Variants in TRPC7 observed in about 807,000 individuals in gnomAD.
TRPC7 encodes short transient receptor potential channel 7.
TRPC7 carries 42 observed loss-of-function variants against 90.1 expected under a neutral mutation model. The observed-to-expected ratio is 0.47, with a 90% CI of 0.36 to 0.60. The LOEUF is 0.60. Ranked by LOEUF, TRPC7 falls within the 20% of genes least tolerant of loss-of-function variation. The probability of loss-of-function intolerance (pLI) is 0.00; values close to 1 mark genes in which losing one functional copy is unlikely to be tolerated. For missense variants in TRPC7, 955 were observed against 1,112.3 expected (o/e 0.86, Z 2.01); for synonymous variants, 451 against 436.3 (o/e 1.03, Z -0.42).
chr5:136,272,383 T>A (rs899925727), intron 4 of TRPC7, among the ~76,000 whole-genome samples: 1 of 152,204 alleles, frequency 6.6e-6, no homozygotes, highest in Non-Finnish European at 1.5e-5. Flanking sequence ...TAATTCCCAG[T>A]AATATCTCTG....
Position 136,213,565 on chromosome 5 carries a change from C to T in TRPC7, c.2459G>A (p.Arg820His), listed in dbSNP as rs1347360317. 1.2e-6 allele frequency: 2 copies of T among 1,614,014 alleles called. No homozygotes were observed. The highest frequency in any genetic ancestry group is 1.7e-5 in the Admixed American group (1 of 60,018). ...AGATTTTTCCTCAAGAAGCTCATAGCGCAGGCTGGAGATATCTTGCTTGAT... is the reference window on the plus strand; with the variant it reads ...AGATTTTTCCTCAAGAAGCTCATAGTGCAGGCTGGAGATATCTTGCTTGAT... ...KEIKQDISSL[R>H]YELLEEKSQA... Residue 820 changes from arginine to histidine, a missense_variant, in exon 12 of 12, where the codon CGC (arginine) becomes CAC (histidine). Physicochemically the swap from Arg to His is conservative, Grantham distance 29 (BLOSUM62 0). This residue lies in a region of TRPC7 where 296 missense variants were observed against 422.7 expected (regional missense o/e 0.70). Transcript: ENST00000513104.
At chr5:136,300,855 T>C (rs1758355092) in intron 3 of TRPC7, among the ~76,000 whole-genome samples, 1 of 152,186 alleles carries the variant, frequency 6.6e-6, no homozygotes, top group Non-Finnish European at 1.5e-5. Flanking sequence ...GGCTGCACAT[T>C]GCATGCAGGG....
At chr5:136,314,015 C>T (rs753994203) in intron 3 of TRPC7, 6 of 152,186 alleles carry the variant, frequency 3.9e-5, no homozygotes, top group Non-Finnish European at 7.3e-5. Flanking sequence ...GTCAGTTTTG[C>T]TAGGAGATTT....
At chr5:136,333,407 G>T (rs559935759) in intron 2 of TRPC7, among the ~76,000 whole-genome samples, 2 of 152,334 alleles carry the variant, frequency 1.3e-5, no homozygotes, top group African/African-American at 2.4e-5. Flanking sequence ...TGTATAGGTT[G>T]TCAGAAGACG....
intron 3 of TRPC7, among the ~76,000 whole-genome samples, chr5:136,313,043 T>G (rs919231983): frequency 6.1e-5 from 9 of 148,222 alleles, no homozygotes; most frequent in African/African-American, 2.3e-4. Context: ...TCTCAAACTC[T>G]TGGCATCAAG....
chr5:136,226,957 T>C (rs541546311), intron 8 of TRPC7, among the ~76,000 whole-genome samples: 1 of 152,368 alleles, frequency 6.6e-6, no homozygotes, highest in East Asian at 1.9e-4. Flanking sequence ...TAGGCGTATG[T>C]GGTTAGTGGC....
At chr5:136,223,585 C>T (rs893773242) in intron 10 of TRPC7, among the ~76,000 whole-genome samples, 1 of 151,524 alleles carries the variant, frequency 6.6e-6, no homozygotes, top group Non-Finnish European at 1.5e-5. Context: ...TGCACACCAG[C>T]CTGGGCAACA....
chr5:136,275,808 G>C (rs1381622201), intron 3 of TRPC7, among the ~76,000 whole-genome samples: 16 of 152,170 alleles, frequency 1.1e-4, no homozygotes, highest in Admixed American at 1.0e-3. Context: ...TATTTATTTA[G>C]TAGAGAGTTA....
intron 2 of TRPC7, among the ~76,000 whole-genome samples, chr5:136,339,344 A>G (rs1759770864): frequency 6.6e-6 from 1 of 152,230 alleles, no homozygotes; most frequent in Admixed American, 6.5e-5. Context: ...ATTGGCCACA[A>G]GGTTAGAATT....
At chr5:136,289,601 C>T (rs537167760) in intron 3 of TRPC7, among the ~76,000 whole-genome samples, 8 of 152,208 alleles carry the variant, frequency 5.3e-5, no homozygotes, top group African/African-American at 7.2e-5. Context: ...GGGGGAGGGG[C>T]GCCTGCCATT....
At chr5:136,217,690 T>C (rs760454911) in intron 10 of TRPC7, among the ~76,000 whole-genome samples, 1 of 152,208 alleles carries the variant, frequency 6.6e-6, no homozygotes, top group Admixed American at 6.5e-5. Context: ...CATAGTCTAG[T>C]CAATAAAGTA....
chr5:136,322,795 A>T (rs532058941), intron 2 of TRPC7, among the ~76,000 whole-genome samples: 2 of 152,166 alleles, frequency 1.3e-5, no homozygotes, highest in African/African-American at 4.8e-5. Context: ...GATAAAGTTT[A>T]TATTAAAATC....
At position 136,260,760 on chromosome 5, in the gene TRPC7, T is replaced by A. The variant is rs563305587; in HGVS notation, c.1345+5460A>T. 1.2e-3 allele frequency among the ~76,000 whole-genome samples: 186 copies of A among 151,866 alleles called. 1 individual carries two copies. The highest frequency in any genetic ancestry group is 4.0e-3 in the African/African-American group (165 of 41,398). ...GCTCCTGCATTGAGAACAGACTGAG[T>A]CATGGGGGTGGGAGGGGCAGCAGCA... On this transcript the variant is annotated intron_variant, in intron 5 of 11. Coordinates refer to ENST00000513104, the MANE Select transcript of TRPC7 (RefSeq NM_020389.3).
intron 3 of TRPC7, among the ~76,000 whole-genome samples, chr5:136,283,516 G>A (rs1196827712): frequency 6.6e-6 from 1 of 152,124 alleles, no homozygotes; most frequent in Non-Finnish European, 1.5e-5. Flanking sequence ...ATTCTAAGAC[G>A]AGAATTACTT....
chr5:136,260,571 G>A (rs1756824172), intron 5 of TRPC7, among the ~76,000 whole-genome samples: 1 of 152,216 alleles, frequency 6.6e-6, no homozygotes, highest in African/African-American at 2.4e-5. Context: ...AGTGAGTGAG[G>A]TGGAAAGCGG....
chr5:136,243,528 TG>T (rs1163221665), intron 7 of TRPC7, among the ~76,000 whole-genome samples: 1 of 152,024 alleles, frequency 6.6e-6, no homozygotes, highest in African/African-American at 2.4e-5. Flanking sequence ...GATTATGAGC[TG>T]GGCAGGGCAG....
intron 2 of TRPC7, among the ~76,000 whole-genome samples, chr5:136,321,764 C>T (rs893759197): frequency 1.3e-5 from 2 of 152,098 alleles, no homozygotes; most frequent in African/African-American, 4.8e-5. Flanking sequence ...CAGATAAAAT[C>T]TGTAAATTGA....
intron 2 of TRPC7, among the ~76,000 whole-genome samples, chr5:136,330,150 T>C (rs941362455): frequency 7.9e-5 from 12 of 152,162 alleles, no homozygotes; most frequent in African/African-American, 2.2e-4. Flanking sequence ...ACCTGTCCCC[T>C]GCCCACCTGC....
chr5:136,236,637 T>C (rs1755990259), intron 7 of TRPC7, among the ~76,000 whole-genome samples: 1 of 152,092 alleles, frequency 6.6e-6, no homozygotes, highest in African/African-American at 2.4e-5. Context: ...TGATTTGTCA[T>C]GCAGACAGCA....
Sources: gnomAD v4.1 joint callset for allele counts (sites outside exome capture counted in the v4.1 genomes callset) on GRCh38, gnomAD v4.1.1 for gene constraint, gnomAD v4.1.1 regional missense constraint, MANE v1.5 for transcripts, NCBI Gene and HGNC (gene_info 2026-07-23, HGNC 2026-07-21) for gene names.